The following MAP3K13 variants were observed in gnomAD, a reference collection of about 807,000 sequenced individuals.
MAP3K13 encodes the protein mitogen-activated protein kinase kinase kinase 13, also known as leucine zipper-bearing kinase.
MAP3K13 carries 52 observed loss-of-function variants against 104.0 expected under a neutral mutation model. The observed-to-expected ratio is 0.50, with a 90% CI of 0.40 to 0.63. The LOEUF (loss-of-function observed/expected upper bound fraction) is 0.63. Among genes scored for constraint, MAP3K13 ranks in the 20% least tolerant of loss-of-function variants. The pLI, the probability that MAP3K13 is intolerant of heterozygous loss-of-function variation, is 0.00. For synonymous variants in MAP3K13, 394 were observed against 442.2 expected (o/e 0.89, Z 1.37); for missense variants, 914 against 1,218.5 (o/e 0.75, Z 3.72).
chr3:185,486,698 GT>G lies in MAP3K13; in HGVS notation c.*4247del, dbSNP rs1344941238. 6.6e-6 allele frequency: 1 copy of G among 152,244 alleles called. No homozygotes were observed. The highest frequency in any genetic ancestry group is 1.5e-5 in the Non-Finnish European group (1 of 68,038). 9.4% of individuals were successfully genotyped at this position (152,244 alleles called of 1,614,324 possible). ...GAATGTCCATGTTCCGTTAGCGTCT[GT>G]TTTTAACTGACTGCAAGATGATGAG... On this transcript the variant is annotated 3_prime_UTR_variant, in exon 14 of 14. Transcript: ENST00000265026.
At chr3:185,313,560 C>T (rs1452147793) in intron 2 of MAP3K13, among the ~76,000 whole-genome samples, 2 of 152,100 alleles carry the variant, frequency 1.3e-5, no homozygotes, top group Non-Finnish European at 2.9e-5. Context: ...TGAGCCACTG[C>T]ACCCTGCCAA....
At chr3:185,454,494 A>ATGAGATATATATGATATATAT (rs1716178086) in intron 7 of MAP3K13, among the ~76,000 whole-genome samples, 4 of 102,170 alleles carry the variant, frequency 3.9e-5, no homozygotes, top group African/African-American at 1.3e-4. Flanking sequence ...TGATATATAT[A>ATGAGATATATATGATATATAT]CATATATATG....
chr3:185,418,686 A>G lies in MAP3K13; in HGVS notation c.-85-9811A>G, dbSNP rs1207997428. On this transcript the variant is annotated intron_variant, in intron 1 of 13. Coordinates refer to ENST00000265026, the MANE Select transcript of MAP3K13 (RefSeq NM_004721.5). The surrounding 1 kb of genome is among the most constrained non-coding windows in gnomAD (Gnocchi z 4.5). ...CAAAGTTCACAATATCTGGTCGAAT[A>G]GGAGCCTTGAATACAGCAGGCTAAG... is the stretch of plus-strand genomic sequence containing the variant. 54 of 1,611,566 alleles carry G rather than the reference A, an allele frequency of 3.4e-5. No homozygotes were observed. The highest frequency in any genetic ancestry group is 1.6e-4 in the South Asian group (15 of 91,008).
At position 185,486,972 on chromosome 3, in the gene MAP3K13, GA is replaced by G. The variant is rs1718745267; in HGVS notation, c.*4518del. On this transcript the variant is annotated 3_prime_UTR_variant, in exon 14 of 14. Transcript: ENST00000265026. ...AACTGGCGTCTTCATCTAGCTACTT[GA>G]AGTTGAGATACTATATTTTAAAATG... 1 of 152,186 alleles carries G rather than the reference GA, an allele frequency of 6.6e-6. No individual in the cohort carries two copies. The highest frequency in any genetic ancestry group is 2.4e-5 in the African/African-American group (1 of 41,452). 9.4% of individuals were successfully genotyped at this position (152,186 alleles called of 1,614,324 possible).
chr3:185,475,075 C>T (rs1718034071), intron 11 of MAP3K13, among the ~76,000 whole-genome samples: 2 of 136,020 alleles, frequency 1.5e-5, no homozygotes, highest in Admixed American at 8.3e-5. Context: ...GACTGGGCGA[C>T]AGTGTGAGAC....
intron 1 of MAP3K13, among the ~76,000 whole-genome samples, chr3:185,364,638 CTT>C (rs1723786041): frequency 6.6e-6 from 1 of 152,150 alleles, no homozygotes; most frequent in Non-Finnish European, 1.5e-5. Flanking sequence ...TAATTTCAAA[CTT>C]ATCATACCTG....
In MAP3K13 at chr3:185,415,573, A is replaced by ATTTTTTTTTTTTTTTTTTTTTTTTTT. The variant is rs34633048; in HGVS notation, c.-85-12921_-85-12920insTTTTTTTTTTTTTTTTTTTTTTTTTT. 4.2e-5 allele frequency among the ~76,000 whole-genome samples: 5 copies of ATTTTTTTTTTTTTTTTTTTTTTTTTT among 119,452 alleles called. 1 individual carries two copies. The highest frequency in any genetic ancestry group is 5.1e-5 in the Non-Finnish European group (3 of 59,192). The allele number at this position is 119,452 out of a possible 152,430, so 78.4% of individuals were successfully genotyped here. A position where few individuals can be genotyped will look rare whatever the true frequency, so the allele number is the denominator to read the frequency against. The stretch of plus-strand genomic sequence containing the variant: ...CACAGTATTAAAACCAGAAGGGTTA[A>ATTTTTTTTTTTTTTTTTTTTTTTTTT]TTTCTTTTTTTTTTTTTTTTTTTTT... On this transcript the variant is annotated intron_variant, in intron 1 of 13. Transcript: ENST00000265026.
chr3:185,474,926 C>G (rs1458235533), intron 11 of MAP3K13, among the ~76,000 whole-genome samples: 1 of 151,980 alleles, frequency 6.6e-6, no homozygotes, highest in African/African-American at 2.4e-5. Flanking sequence ...GAAATCCTAT[C>G]TCTACCAAAA....
At chr3:185,448,322 T>C (rs1715703245) in intron 5 of MAP3K13, among the ~76,000 whole-genome samples, 1 of 152,192 alleles carries the variant, frequency 6.6e-6, no homozygotes, top group Non-Finnish European at 1.5e-5. Flanking sequence ...ATGACTCAGG[T>C]CATCATTACA....
intron 1 of MAP3K13, among the ~76,000 whole-genome samples, chr3:185,370,906 A>C (rs528420679): frequency 1.3e-5 from 2 of 152,044 alleles, no homozygotes; most frequent in African/African-American, 4.8e-5. Context: ...TCATCCTATT[A>C]CCTCTTTCTG....
At position 185,437,032 on chromosome 3, in the gene MAP3K13, AT is replaced by A. The variant is rs60627747; in HGVS notation, c.476-413del. ...AAAAAAAAAAAAAAAAAAAAAAAAA[AT>A]TAGCAAAGATTCACTGAGCATCTGC... On this transcript the variant is annotated intron_variant, in intron 2 of 13. Coordinates refer to ENST00000265026, the MANE Select transcript of MAP3K13 (RefSeq NM_004721.5). 2.1e-3 allele frequency among the ~76,000 whole-genome samples: 229 copies of A among 107,826 alleles called. 2 individuals are homozygous for A. Among genetic ancestry groups the A allele is most frequent in the Middle Eastern group, 4.8e-3 (1 of 208 alleles). 70.7% of individuals were successfully genotyped at this position (107,826 alleles called of 152,430 possible). A position where few individuals can be genotyped will look rare whatever the true frequency, so the allele number is the denominator to read the frequency against.
At position 185,390,245 on chromosome 3, in the gene MAP3K13, T is replaced by G. The variant is rs1711962909; in HGVS notation, c.-86+26877T>G. On this transcript the variant is annotated intron_variant, in intron 1 of 13. Coordinates refer to ENST00000265026, the MANE Select transcript of MAP3K13 (RefSeq NM_004721.5). ...AGTGTGTGCCAGACACTGTTCACAG[T>G]GCTTTACATATTTAATTCTCACAGC... is the stretch of plus-strand genomic sequence containing the variant. 2.0e-5 allele frequency among the ~76,000 whole-genome samples: 3 copies of G among 152,186 alleles called. No homozygotes were observed. In the South Asian group the frequency reaches 6.2e-4, roughly 32 times the overall value.
chr3:185,462,440 CTA>C (rs1420477333), intron 7 of MAP3K13, among the ~76,000 whole-genome samples: 1 of 152,106 alleles, frequency 6.6e-6, no homozygotes, highest in Non-Finnish European at 1.5e-5. Context: ...TATCTTTGTC[CTA>C]TATTGACCAA....
At chr3:185,467,453 T>C (rs549711235) in intron 10 of MAP3K13, among the ~76,000 whole-genome samples, 1 of 152,340 alleles carries the variant, frequency 6.6e-6, no homozygotes, top group African/African-American at 2.4e-5. Context: ...GGAAAGTACC[T>C]GCAAACTCAC....
intron 13 of MAP3K13, chr3:185,481,074 G>A (rs1718422914): frequency 6.4e-5 from 10 of 155,764 alleles, no homozygotes; most frequent in Admixed American, 6.2e-4. Flanking sequence ...CAGAAATGAG[G>A]GCAGTTTCTC....
At chr3:185,321,083 C>T (rs1324445988) in intron 2 of MAP3K13, among the ~76,000 whole-genome samples, 4 of 151,732 alleles carry the variant, frequency 2.6e-5, no homozygotes, top group African/African-American at 9.7e-5. Context: ...TATGCGTGCA[C>T]ACATATACAC....
chr3:185,348,024 AAAAG>A (rs1270635326), intron 2 of MAP3K13, among the ~76,000 whole-genome samples: 7 of 151,810 alleles, frequency 4.6e-5, no homozygotes, highest in Non-Finnish European at 8.8e-5. Context: ...AAAAAAAAAA[AAAAG>A]AAAGAAAGAA....
intron 11 of MAP3K13, among the ~76,000 whole-genome samples, chr3:185,474,159 C>T (rs2148924234): frequency 6.6e-6 from 1 of 152,038 alleles, no homozygotes; most frequent in South Asian, 2.1e-4. Context: ...CCTGTCTCTA[C>T]TAAAAAAAAT....
chr3:185,455,542 GAC>G (rs370531650), intron 7 of MAP3K13, among the ~76,000 whole-genome samples: 94 of 746 alleles, frequency 0.13, 9 homozygotes, highest in Admixed American at 0.25. Context: ...AGATATATAT[GAC>G]ATATATATGA....
Sources: gnomAD v4.1 joint callset for allele counts (sites outside exome capture counted in the v4.1 genomes callset) on GRCh38, gnomAD v4.1.1 for gene constraint, Gnocchi (gnomAD v3.1) non-coding constraint, MANE v1.5 for transcripts, NCBI Gene and HGNC (gene_info 2026-07-23, HGNC 2026-07-21) for gene names.